Variants in CCDC158 observed in about 807,000 individuals in gnomAD.
CCDC158 encodes the protein coiled-coil domain containing 158.
CCDC158 carries 116 observed loss-of-function variants against 138.6 expected under a neutral mutation model. The observed-to-expected ratio is 0.84, with a 90% CI of 0.72 to 0.98. The LOEUF (loss-of-function observed/expected upper bound fraction) is 0.98. Ranked by LOEUF, CCDC158 falls within the 50% of genes least tolerant of loss-of-function variation. The pLI is 0.00. For synonymous variants in CCDC158, 436 were observed against 442.4 expected, an observed-to-expected ratio of 0.99 and a Z score of 0.18; for missense variants, 1,265 against 1,306.1, an observed-to-expected ratio of 0.97 and a Z score of 0.48.
Position 76,367,735 on chromosome 4 carries a change from T to C in CCDC158, c.1389A>G (p.Val463=), listed in dbSNP as rs374861909. ...IQGKNESLEK[V]SSLTAQLEST... ...ATTCAAGCTGAGCAGTCAAGGAGGA[T>C]ACTTTTTCTAGACTTTCATTCTTTC... Residue 463 remains valine (V), a synonymous_variant, in exon 12 of 25, where the codon GTA becomes GTG. Transcript: ENST00000682701. 23 of 1,607,792 alleles carry C rather than the reference T, an allele frequency of 1.4e-5. No homozygotes were observed. The highest frequency in any genetic ancestry group is 6.7e-5 in the Admixed American group (4 of 59,376).
intron 24 of CCDC158, among the ~76,000 whole-genome samples, chr4:76,313,776 T>C (rs1295320147): frequency 1.3e-5 from 2 of 152,200 alleles, no homozygotes; most frequent in Non-Finnish European, 2.9e-5. Context: ...CACATATACA[T>C]GAATGTGCAC....
In CCDC158 at chr4:76,352,920, A is replaced by G. The variant is rs75898906; in HGVS notation, c.2445+203T>C. ...TTAGCCTGAAAAAGAAAATTTGGCAAAAAGTATGCATTATGACCACATTTT... is the reference window on the plus strand; with the variant it reads ...TTAGCCTGAAAAAGAAAATTTGGCAGAAAGTATGCATTATGACCACATTTT... On this transcript the variant is annotated intron_variant, in intron 16 of 24. Coordinates refer to ENST00000682701, the MANE Select transcript of CCDC158 (RefSeq NM_001394954.1). 1,383 of 432,186 alleles carry G rather than the reference A, an allele frequency of 3.2e-3. 10 individuals carry two copies. The highest frequency in any genetic ancestry group is 0.026 in the African/African-American group (1,258 of 48,812). 26.8% of individuals were successfully genotyped at this position (432,186 alleles called of 1,614,324 possible).
intron 18 of CCDC158, chr4:76,344,846 G>A (rs1051198503): frequency 1.3e-6 from 2 of 1,589,498 alleles, no homozygotes; most frequent in Non-Finnish European, 1.7e-6. Context: ...AAGGGTCTAT[G>A]ACCAAAGAAG....
chr4:76,402,734 T>C (rs935878688), intron 3 of CCDC158, among the ~76,000 whole-genome samples: 1 of 151,768 alleles, frequency 6.6e-6, no homozygotes, highest in African/African-American at 2.4e-5. Flanking sequence ...AGGGAAAAAA[T>C]GGATTCAAGA....
At chr4:76,399,466 TA>T (rs1374527870) in intron 3 of CCDC158, among the ~76,000 whole-genome samples, 6 of 152,120 alleles carry the variant, frequency 3.9e-5, no homozygotes, top group African/African-American at 1.4e-4. Context: ...AACTTAAAAT[TA>T]AATTAAATTA....
At chr4:76,336,181 CAAAAAAAAA>C (rs34498886) in intron 18 of CCDC158, among the ~76,000 whole-genome samples, 2 of 56,034 alleles carry the variant, frequency 3.6e-5, no homozygotes, top group South Asian at 1.0e-3. Flanking sequence ...GACTCTGTCT[CAAAAAAAAA>C]AAAAAAAAAA....
At chr4:76,362,089 C>T in intron 13 of CCDC158, 37 bp downstream of exon 13, 2 of 1,589,460 alleles carry the variant, frequency 1.3e-6, no homozygotes, top group Non-Finnish European at 1.7e-6. Flanking sequence ...TGCTAAGACT[C>T]TTATTTTTTA....
chr4:76,340,227 T>G (rs1721921254), intron 18 of CCDC158, among the ~76,000 whole-genome samples: 1 of 152,240 alleles, frequency 6.6e-6, no homozygotes, highest in Non-Finnish European at 1.5e-5. Context: ...TGTGTCAAAA[T>G]TATCAGAGAT....
At chr4:76,405,032 C>G (rs72657837) in intron 2 of CCDC158, among the ~76,000 whole-genome samples, 5,810 of 152,238 alleles carry the variant, frequency 0.038, 156 homozygotes, top group Middle Eastern at 0.088. Context: ...AGACCCGAAT[C>G]TACACATTTT....
At chr4:76,401,362 AAAGCAGC>A in intron 3 of CCDC158, 1 of 505,060 alleles carries the variant, frequency 2.0e-6, no homozygotes, top group Non-Finnish European at 3.9e-6. Flanking sequence ...ATGCCCAGAG[AAAGCAGC>A]ATGATGACAG....
intron 4 of CCDC158, among the ~76,000 whole-genome samples, chr4:76,395,262 G>A (rs1727674449): frequency 6.6e-6 from 1 of 152,096 alleles, no homozygotes; most frequent in Non-Finnish European, 1.5e-5. Flanking sequence ...CCCAGACTAT[G>A]AATTCCTTGT....
chr4:76,405,476 T>C (rs1728742734), intron 2 of CCDC158, among the ~76,000 whole-genome samples: 1 of 152,158 alleles, frequency 6.6e-6, no homozygotes, highest in South Asian at 2.1e-4. Flanking sequence ...GGTTCTAAAT[T>C]TTTAAAAGTA....
chr4:76,348,888 A>T (rs1335341668), intron 18 of CCDC158, among the ~76,000 whole-genome samples: 2 of 152,194 alleles, frequency 1.3e-5, no homozygotes, highest in Non-Finnish European at 2.9e-5. Flanking sequence ...GAAAATAGAG[A>T]AAACAAACTG....
intron 1 of CCDC158, among the ~76,000 whole-genome samples, chr4:76,413,843 A>C (rs552103251): frequency 6.6e-6 from 1 of 152,240 alleles, no homozygotes; most frequent in African/African-American, 2.4e-5. Flanking sequence ...GCAAAGCCAG[A>C]TAGGAACAAT....
upstream of CCDC158, chr4:76,421,684 C>T (rs1448542506): frequency 1.3e-5 from 2 of 151,498 alleles, no homozygotes; most frequent in East Asian, 3.9e-4. Flanking sequence ...CTCACCCCCC[C>T]CTCCCATTCC....
At chr4:76,329,416 C>G (rs1354831655) in intron 21 of CCDC158, among the ~76,000 whole-genome samples, 1 of 152,028 alleles carries the variant, frequency 6.6e-6, no homozygotes, top group African/African-American at 2.4e-5. Context: ...AACCCCGTCT[C>G]TACTAAAAAT....
intron 19 of CCDC158, among the ~76,000 whole-genome samples, chr4:76,333,777 T>C (rs183236628): frequency 2.0e-5 from 3 of 152,346 alleles, no homozygotes; most frequent in East Asian, 3.9e-4. Flanking sequence ...TAACTTTGGG[T>C]GACACCTTGC....
At chr4:76,353,358 C>T in intron 15 of CCDC158, 77 bp from the exon 16 acceptor site, 1 of 1,243,800 alleles carries the variant, frequency 8.0e-7, no homozygotes, top group East Asian at 2.5e-5. Context: ...ATATAAAATT[C>T]TTGTTTAAAG....
At chr4:76,321,985 T>C (rs1720061317) in intron 24 of CCDC158, among the ~76,000 whole-genome samples, 1 of 151,392 alleles carries the variant, frequency 6.6e-6, no homozygotes. Context: ...AATAATACGA[T>C]GGACGTTGAG....
Sources: allele counts gnomAD v4.1 joint callset (sites outside exome capture counted in the v4.1 genomes callset), GRCh38; gene constraint gnomAD v4.1.1; transcripts MANE v1.5; gene names NCBI Gene and HGNC (gene_info 2026-07-23, HGNC 2026-07-21).